HMGN4: variants seen among roughly 807,000 people sequenced by gnomAD.
HMGN4 encodes the protein high mobility group nucleosome-binding domain-containing protein 4.
For missense variants in HMGN4, 69 were observed against 104.9 expected (o/e 0.66, Z 1.49); for synonymous variants, 39 against 39.1 (o/e 1.00, Z 0.01).
chr6:26,539,726 G>A (rs1764265938), intron 1 of HMGN4, among the ~76,000 whole-genome samples: 1 of 151,740 alleles, frequency 6.6e-6, no homozygotes. Context: ...CAGGCTGCTT[G>A]GGTAGACGTT....
At position 26,546,811 on chromosome 6, in the gene HMGN4, ATAGAT is replaced by A. The variant is rs1228246278; in HGVS notation, c.*1335_*1339del. Among the ~76,000 whole-genome samples, 4 of 152,252 alleles carry A rather than the reference ATAGAT, an allele frequency of 2.6e-5. No homozygotes were observed. The highest frequency in any genetic ancestry group is 4.4e-5 in the Non-Finnish European group (3 of 68,038). ...TTTTGATTGGATTTGTATTGAATTTATAGATTAATCTGGTAAACCATGTCATCTTT... is the reference window on the plus strand; with the variant it reads ...TTTTGATTGGATTTGTATTGAATTTATAATCTGGTAAACCATGTCATCTTT... On this transcript the variant is annotated 3_prime_UTR_variant, in exon 2 of 2. Transcript: ENST00000377575.
At chr6:26,544,020 C>T (rs192712398) in intron 1 of HMGN4, among the ~76,000 whole-genome samples, 35 of 152,178 alleles carry the variant, frequency 2.3e-4, no homozygotes, top group African/African-American at 7.9e-4. Flanking sequence ...CTGTGTGGCT[C>T]TCAATCTGTG....
chr6:26,538,380 G>C lies in HMGN4; in HGVS notation c.-202G>C, dbSNP rs1764243840. ...CCCTCGCCTTCCTGTTCCTGGCGGA[G>C]CCGGGCTCCGCTCGTCTTCTCTGTC... On this transcript the variant is annotated 5_prime_UTR_variant, in exon 1 of 2. Transcript: ENST00000377575. 6.6e-6 allele frequency: 1 copy of C among 152,388 alleles called. No homozygotes were observed. The highest frequency in any genetic ancestry group is 1.5e-5 in the Non-Finnish European group (1 of 68,214). 9.4% of individuals were successfully genotyped at this position (152,388 alleles called of 1,614,324 possible).
chr6:26,545,383 A>G lies in HMGN4; in HGVS notation c.177A>G (p.Lys59=), dbSNP rs151236366. The G allele has an allele frequency of 7.8e-5, 126 of 1,613,930 alleles. No individual in the cohort carries two copies. Among genetic ancestry groups the G allele is most frequent in the Non-Finnish European group, 1.0e-4 (121 of 1,180,002 alleles). Residue 59 remains lysine, a synonymous_variant, in exon 2 of 2, where the codon AAA becomes AAG. Coordinates refer to ENST00000377575, the MANE Select transcript of HMGN4 (RefSeq NM_006353.3). ...GEKLPKGRKG[K]ADAGKDGNNP... ...AGCTTCCCAAAGGGAGAAAGGGGAA[A>G]GCAGATGCTGGAAAGGATGGGAACA...
rs1173066550 is a variant in HMGN4 at position 26,542,325 on chromosome 6, C to T, written c.-80-2802C>T. Among the ~76,000 whole-genome samples, 4 of 152,140 alleles carry T rather than the reference C, an allele frequency of 2.6e-5. No individual in the cohort carries two copies. The East Asian group carries it at 7.7e-4, about 29-fold the overall frequency. On this transcript the variant is annotated intron_variant, in intron 1 of 1. Transcript: ENST00000377575. This position sits in a 1 kb window ranked among gnomAD's most constrained non-coding sequence, Gnocchi z 4.6. ...TCTCCTAAGTTATTAACAACTTACA[C>T]TGGTGTGGTACATTTGTTACAAATG...
chr6:26,545,129 A>G lies in HMGN4; in HGVS notation c.-78A>G, dbSNP rs1764332455. ...ACGCTTTTTGTGTCTTGTTAAAGAC[A>G]TCTTTCCAGGAACAGCGTGAGGAGG... On this transcript the variant is annotated splice_region_variant and 5_prime_UTR_variant, in exon 2 of 2. Coordinates refer to ENST00000377575, the MANE Select transcript of HMGN4 (RefSeq NM_006353.3). The G allele has an allele frequency of 7.9e-7, 1 of 1,265,410 alleles. No individual in the cohort carries two copies. Among genetic ancestry groups the G allele is most frequent in the Non-Finnish European group, 1.1e-6 (1 of 943,834 alleles). 78.4% of individuals were successfully genotyped at this position (1,265,410 alleles called of 1,614,324 possible). A position where few individuals can be genotyped will look rare whatever the true frequency, so the allele number is the denominator to read the frequency against.
rs1764299896 is a variant in HMGN4 at position 26,542,504 on chromosome 6, A to G, written c.-80-2623A>G. The stretch of plus-strand genomic sequence containing the variant: ...AGTAGCATACAAAAGAGTTTCATTT[A>G]CCTAAAAATCTCTTCTGCGCCACCT... On this transcript the variant is annotated intron_variant, in intron 1 of 1. Coordinates refer to ENST00000377575, the MANE Select transcript of HMGN4 (RefSeq NM_006353.3). The surrounding 1 kb of genome is among the most constrained non-coding windows in gnomAD (Gnocchi z 4.6). 1.3e-5 allele frequency among the ~76,000 whole-genome samples: 2 copies of G among 152,230 alleles called. No individual in the cohort carries two copies. Among genetic ancestry groups the G allele is most frequent in the Non-Finnish European group, 2.9e-5 (2 of 68,038 alleles).
chr6:26,544,649 G>A (rs1396469200), intron 1 of HMGN4, among the ~76,000 whole-genome samples: 1 of 152,122 alleles, frequency 6.6e-6, no homozygotes, highest in African/African-American at 2.4e-5. Flanking sequence ...AATAACCACT[G>A]TTTCCAAAAG....
intron 1 of HMGN4, among the ~76,000 whole-genome samples, chr6:26,540,369 C>G (rs925890514): frequency 2.0e-5 from 3 of 149,822 alleles, no homozygotes; most frequent in Non-Finnish European, 4.4e-5. Context: ...GGGTCTTGCT[C>G]TGTCACCCAG....
In HMGN4 at chr6:26,546,565, G is replaced by A. The variant is rs1167909796; in HGVS notation, c.*1086G>A. On this transcript the variant is annotated 3_prime_UTR_variant, in exon 2 of 2. Coordinates refer to ENST00000377575, the MANE Select transcript of HMGN4 (RefSeq NM_006353.3). The stretch of plus-strand genomic sequence containing the variant: ...ATTTGTCTAATCTTGTAGCAGTACA[G>A]TACAGTCCTGATTATTGCAACTTTA... 1.3e-5 allele frequency among the ~76,000 whole-genome samples: 2 copies of A among 152,108 alleles called. No homozygotes were observed. Among genetic ancestry groups the A allele is most frequent in the African/African-American group, 4.8e-5 (2 of 41,420 alleles).
At position 26,543,421 on chromosome 6, in the gene HMGN4, C is replaced by CTTTTTTTTTTTTTTT. The variant is rs70977285; in HGVS notation, c.-80-1702_-80-1688dup. ...CTGTATGTCTCAGTGGCACCATTACCTTTTTTTTTTTTTTTTTTGAAGCAG... is the reference window on the plus strand; with the variant it reads ...CTGTATGTCTCAGTGGCACCATTACCTTTTTTTTTTTTTTTTTTTTTTTTTTTTTTTTTGAAGCAG... On this transcript the variant is annotated intron_variant, in intron 1 of 1. Transcript: ENST00000377575. Among the ~76,000 whole-genome samples the CTTTTTTTTTTTTTTT allele has an allele frequency of 3.9e-3, 315 of 80,102 alleles. 65 individuals carry two copies. The highest frequency in any genetic ancestry group is 0.012 in the African/African-American group (208 of 17,678). 52.6% of individuals were successfully genotyped at this position (80,102 alleles called of 152,430 possible). A position where few individuals can be genotyped will look rare whatever the true frequency, so the allele number is the denominator to read the frequency against.
In HMGN4 at chr6:26,546,224, A is replaced by C. The variant is rs761892159; in HGVS notation, c.*745A>C. On this transcript the variant is annotated 3_prime_UTR_variant, in exon 2 of 2. Transcript: ENST00000377575. Reference sequence around the variant, plus strand: ...AAAGTAAATGTTTTTAAAAAGTATCATATAAAGCTGAATACAAATTGGTTT... The same window carrying C: ...AAAGTAAATGTTTTTAAAAAGTATCCTATAAAGCTGAATACAAATTGGTTT... The C allele has an allele frequency of 1.2e-5, 2 of 167,086 alleles. No homozygotes were observed. The highest frequency in any genetic ancestry group is 2.4e-5 in the African/African-American group (1 of 41,432). 10.4% of individuals were successfully genotyped at this position (167,086 alleles called of 1,614,324 possible). A position where few individuals can be genotyped will look rare whatever the true frequency, so the allele number is the denominator to read the frequency against.
intron 1 of HMGN4, among the ~76,000 whole-genome samples, chr6:26,541,947 T>C (rs1300746137): frequency 6.6e-6 from 1 of 152,228 alleles, no homozygotes; most frequent in Non-Finnish European, 1.5e-5. Context: ...CTGTTATATT[T>C]CTAAAACTTT....
At position 26,545,507 on chromosome 6, in the gene HMGN4, T is replaced by G. The variant is rs1375747156; in HGVS notation, c.*28T>G. On this transcript the variant is annotated 3_prime_UTR_variant, in exon 2 of 2. Transcript: ENST00000377575. ...TGTACATTTTTGAGAGCTCTGTACT[T>G]ATAGTGACTCTACTGTTTGAAATAC... The G allele has an allele frequency of 6.6e-7, 1 of 1,505,072 alleles. No homozygotes were observed. Among genetic ancestry groups the G allele is most frequent in the South Asian group, 1.4e-5 (1 of 73,088 alleles). 93.2% of individuals were successfully genotyped at this position (1,505,072 alleles called of 1,614,324 possible). A position where few individuals can be genotyped will look rare whatever the true frequency, so the allele number is the denominator to read the frequency against.
chr6:26,541,691 C>T (rs1182724727), intron 1 of HMGN4, among the ~76,000 whole-genome samples: 1 of 151,988 alleles, frequency 6.6e-6, no homozygotes, highest in Non-Finnish European at 1.5e-5. Flanking sequence ...TTAATTTAAA[C>T]ATCATGATCT....
chr6:26,545,534 A>AT lies in HMGN4; in HGVS notation c.*62dup. On this transcript the variant is annotated 3_prime_UTR_variant, in exon 2 of 2. Transcript: ENST00000377575. ...TAGTGACTCTACTGTTTGAAATACT[A>AT]TTTTTTTAAATCAAGTTTTATAAAA... 6.9e-7 allele frequency: 1 copy of AT among 1,441,182 alleles called. No homozygotes were observed. Among genetic ancestry groups the AT allele is most frequent in the Non-Finnish European group, 9.2e-7 (1 of 1,083,696 alleles). The allele number at this position is 1,441,182 out of a possible 1,614,324, so 89.3% of individuals were successfully genotyped here.
chr6:26,544,909 T>C (rs1764330070), intron 1 of HMGN4, among the ~76,000 whole-genome samples: 1 of 152,236 alleles, frequency 6.6e-6, no homozygotes, highest in Admixed American at 6.5e-5. Flanking sequence ...CCTTTCCTCA[T>C]GGATCTATAG....
chr6:26,540,739 A>G (rs1259972409), intron 1 of HMGN4, among the ~76,000 whole-genome samples: 1 of 152,080 alleles, frequency 6.6e-6, no homozygotes, highest in Non-Finnish European at 1.5e-5. Flanking sequence ...ACCCCCAAAC[A>G]CGATCTCTCC....
In HMGN4 at chr6:26,545,454, C is replaced by G. The variant is rs977718384; in HGVS notation, c.248C>G (p.Ala83Gly). The G allele has an allele frequency of 6.3e-7, 1 of 1,580,880 alleles. No homozygotes were observed. Among genetic ancestry groups the G allele is most frequent in the South Asian group, 1.2e-5 (1 of 86,250 alleles). ...RDASTLQSQKAEGTGDAK is the reference protein window; with the variant it reads ...RDASTLQSQKGEGTGDAK The stretch of plus-strand genomic sequence containing the variant: ...GCCTCTACACTCCAGTCCCAGAAAG[C>G]GGAAGGCACTGGGGATGCCAAGTGA... The change falls in exon 2 of 2, where the codon GCG becomes GGG. Residue 83 changes from alanine to glycine, a missense_variant. Coordinates refer to ENST00000377575, the MANE Select transcript of HMGN4 (RefSeq NM_006353.3).
Sources: allele counts gnomAD v4.1 joint callset (sites outside exome capture counted in the v4.1 genomes callset), GRCh38; gene constraint gnomAD v4.1.1; non-coding constraint Gnocchi (gnomAD v3.1); transcripts MANE v1.5; gene names NCBI Gene and HGNC (gene_info 2026-07-23, HGNC 2026-07-21).